The following CD101 variants were observed in gnomAD, a reference collection of about 807,000 sequenced individuals.
The protein encoded by CD101 is immunoglobulin superfamily member 2.
CD101 carries 76 observed loss-of-function variants against 98.2 expected under a neutral mutation model. The observed-to-expected ratio is 0.77, with a 90% CI of 0.64 to 0.94. CD101 has a LOEUF of 0.94. CD101 is among the 40% of genes least tolerant of loss of function. CD101 has a pLI of 0.00. For synonymous variants in CD101, 471 were observed against 472.7 expected (o/e 1.00, Z 0.05); for missense variants, 1,145 against 1,218.8 (o/e 0.94, Z 0.90).
chr1:117,014,456 G>T (rs968909064), intron 4 of CD101, among the ~76,000 whole-genome samples: 2 of 152,142 alleles, frequency 1.3e-5, no homozygotes, highest in African/African-American at 4.8e-5. Flanking sequence ...GCATTTTGCT[G>T]TGATGTGGTG....
intron 5 of CD101, 135 bp downstream of exon 5, chr1:117,017,608 A>G (rs778587060): frequency 2.3e-5 from 19 of 813,298 alleles, no homozygotes; most frequent in South Asian, 2.1e-4. Context: ...GTCTCTGGCT[A>G]CCCTCTCTGT....
At chr1:117,007,453 T>C (rs1652602308) in intron 1 of CD101, among the ~76,000 whole-genome samples, 1 of 152,194 alleles carries the variant, frequency 6.6e-6, no homozygotes, top group East Asian at 1.9e-4. Context: ...GTTCAAGCGA[T>C]TTTCTTGCCT....
Position 117,017,162 on chromosome 1 carries a change from G to T in CD101, c.1301G>T (p.Cys434Phe). ...GAAGGAGAGACACTCGCCTTTCTCT[G>T]TAAGGCTGGTGGAGCTGAAAGTCCC... Reference protein sequence around the residue: ...VWEGETLAFLCKAGGAESPLS... With the variant: ...VWEGETLAFLFKAGGAESPLS... Residue 434 changes from cysteine to phenylalanine, a missense_variant, in exon 5 of 10, where the codon TGT becomes TTT. Cys to Phe is a radical substitution (Grantham distance 205). Transcript: ENST00000682167. 6.2e-7 allele frequency: 1 copy of T among 1,614,242 alleles called. No individual in the cohort carries two copies. Among genetic ancestry groups the T allele is most frequent in the Non-Finnish European group, 8.5e-7 (1 of 1,180,030 alleles).
chr1:117,014,481 A>G (rs918609352), intron 4 of CD101, among the ~76,000 whole-genome samples: 2 of 152,136 alleles, frequency 1.3e-5, no homozygotes. Context: ...GCCGGTCCAA[A>G]TGGTTCTGAA....
chr1:117,026,976 A>G (rs1557777308), intron 8 of CD101, among the ~76,000 whole-genome samples: 2 of 152,122 alleles, frequency 1.3e-5, no homozygotes, highest in South Asian at 4.1e-4. Flanking sequence ...GTGATAAAAA[A>G]TCCCAGGGGC....
rs749311935 is a variant in CD101 at position 117,017,395 on chromosome 1, A to G, written c.1534A>G (p.Arg512Gly). The change falls in exon 5 of 10, where the codon AGA becomes GGA. Residue 512 changes from arginine (R) to glycine (G), a missense_variant. Physicochemically the swap from Arg to Gly is moderately radical, Grantham distance 125 (BLOSUM62 -2). Transcript: ENST00000682167. ...AITDSGTYEC[R>G]VSEKSRNQAR... ...CACAGACAGTGGCACATATGAGTGC[A>G]GAGTATCTGAGAAGTCTCGGAACCA... 1.8e-5 allele frequency: 29 copies of G among 1,614,148 alleles called. 1 individual carries two copies. The South Asian group carries it at 3.1e-4, about 17-fold the overall frequency.
At chr1:117,013,845 G>C in intron 4 of CD101, 53 bp downstream of exon 4, 1 of 1,518,930 alleles carries the variant, frequency 6.6e-7, no homozygotes. Context: ...ATGCCCCCTT[G>C]TCAGTGGAAG....
Position 117,018,007 on chromosome 1 carries a change from T to C in CD101, c.1613-149T>C. On this transcript the variant is annotated intron_variant, in intron 5 of 9. Coordinates refer to ENST00000682167, the MANE Select transcript of CD101 (RefSeq NM_001256106.3). The surrounding 1 kb of genome is among the most constrained non-coding windows in gnomAD (Gnocchi z 4.3). ...GGTCACAGTTCAGGACAGACTGTAC[T>C]GGGAATCAATTTCTACTCTATAAAA... is the stretch of plus-strand genomic sequence containing the variant. 1 of 782,858 alleles carries C rather than the reference T, an allele frequency of 1.3e-6. No homozygotes were observed. Among genetic ancestry groups the C allele is most frequent in the Admixed American group, 3.1e-5 (1 of 31,854 alleles). The allele number at this position is 782,858 out of a possible 1,614,324, so 48.5% of individuals were successfully genotyped here.
At chr1:117,011,118 A>C (rs1345731749) in intron 2 of CD101, among the ~76,000 whole-genome samples, 1 of 152,224 alleles carries the variant, frequency 6.6e-6, no homozygotes, top group Admixed American at 6.5e-5. Flanking sequence ...AGCCATTATT[A>C]CATTATTAGA....
intron 8 of CD101, chr1:117,032,617 C>T (rs1378494309): frequency 6.6e-6 from 1 of 152,242 alleles, no homozygotes; most frequent in African/African-American, 2.4e-5. Context: ...TATGTCATTA[C>T]AATTTTCCAG....
At position 117,027,599 on chromosome 1, in the gene CD101, A is replaced by C. The variant is rs568441590; in HGVS notation, c.2824+1695A>C. Among the ~76,000 whole-genome samples the C allele has an allele frequency of 7.2e-5, 11 of 152,328 alleles. 1 individual carries two copies. The South Asian group carries it at 2.3e-3, about 32-fold the overall frequency. On this transcript the variant is annotated intron_variant, in intron 8 of 9. Coordinates refer to ENST00000682167, the MANE Select transcript of CD101 (RefSeq NM_001256106.3). ...GGTCATTGAGAATGGCAGGAACTGC[A>C]GTCTCTATGGTACAGTGGCAAGAGA...
Position 117,017,271 on chromosome 1 carries a change from G to T in CD101, c.1410G>T (p.Gln470His), listed in dbSNP as rs148555610. The change falls in exon 5 of 10, where the codon CAG becomes CAT. Residue 470 changes from glutamine to histidine, a missense_variant. Coordinates refer to ENST00000682167, the MANE Select transcript of CD101 (RefSeq NM_001256106.3). ...GCATGGGGCAGGATGGCATTGTGCA[G>T]CTGGGTGCCTCCTATGGGGTACCCA... Reference protein sequence around the residue: ...VAGMGQDGIVQLGASYGVPSY... With the variant: ...VAGMGQDGIVHLGASYGVPSY... The T allele has an allele frequency of 1.9e-3, 3,129 of 1,614,250 alleles. 10 individuals carry two copies. Among genetic ancestry groups the T allele is most frequent in the South Asian group, 8.7e-3 (796 of 91,090 alleles).
At chr1:117,016,999 T>C in intron 4 of CD101, 91 bp from the exon 5 acceptor site, 1 of 1,414,720 alleles carries the variant, frequency 7.1e-7, no homozygotes, top group Non-Finnish European at 9.6e-7. Flanking sequence ...CACAAACTAG[T>C]CAAGTCCTAA....
rs1653370727 is a variant in CD101, at chr1:117,018,344, A to G, written c.1801A>G (p.Ile601Val). 3.7e-6 allele frequency: 6 copies of G among 1,614,078 alleles called. No individual in the cohort carries two copies. Among genetic ancestry groups the G allele is most frequent in the Admixed American group, 1.7e-5 (1 of 60,004 alleles). ...TATTCGAATCACCCACAATGGCACTATTGAATGGGGGAATTTCCTATCCCG... is the reference window on the plus strand; with the variant it reads ...TATTCGAATCACCCACAATGGCACTGTTGAATGGGGGAATTTCCTATCCCG... Reference protein sequence around the residue: ...QLIRITHNGTIEWGNFLSRFQ... With the variant: ...QLIRITHNGTVEWGNFLSRFQ... Residue 601 changes from isoleucine to valine, a missense_variant, in exon 6 of 10, where the codon ATT (isoleucine) becomes GTT (valine). Physicochemically the swap from Ile to Val is conservative, Grantham distance 29. Coordinates refer to ENST00000682167, the MANE Select transcript of CD101 (RefSeq NM_001256106.3). The surrounding 1 kb of genome is among the most constrained non-coding windows in gnomAD (Gnocchi z 4.3).
At chr1:117,031,446 G>A (rs1654462117) in intron 8 of CD101, among the ~76,000 whole-genome samples, 1 of 152,224 alleles carries the variant, frequency 6.6e-6, no homozygotes, top group Non-Finnish European at 1.5e-5. Context: ...GGAAGCCAGG[G>A]CCTCCTAAGT....
In CD101 at chr1:117,018,491, C is replaced by T; in HGVS notation, c.1948C>T (p.Leu650=). 6.2e-7 allele frequency: 1 copy of T among 1,613,934 alleles called. No homozygotes were observed. Among genetic ancestry groups the T allele is most frequent in the Non-Finnish European group, 8.5e-7 (1 of 1,179,848 alleles). ...AGTAGAAGTTTATGACAGAAATTCCCTATACAACAACCGCCCCCCGAGGGC... is the reference window on the plus strand; with the variant it reads ...AGTAGAAGTTTATGACAGAAATTCCTTATACAACAACCGCCCCCCGAGGGC... ...CEVEVYDRNS[L]YNNRPPRASA... The change falls in exon 6 of 10, where the codon CTA becomes TTA. Residue 650 remains leucine, a synonymous_variant. Coordinates refer to ENST00000682167, the MANE Select transcript of CD101 (RefSeq NM_001256106.3). The surrounding 1 kb of genome is among the most constrained non-coding windows in gnomAD (Gnocchi z 4.3).
chr1:117,010,193 A>G lies in CD101; in HGVS notation c.387A>G (p.Lys129=), dbSNP rs1652805759. ...YECHTPNTDE[K]YYGSYSAKTN... ...GTCACACACCAAACACTGATGAGAA[A>G]TACTATGGAAGTTACAGTGCAAAGA... The change falls in exon 2 of 10, where the codon AAA becomes AAG. Residue 129 remains lysine (K), a synonymous_variant. Transcript: ENST00000682167. This position sits in a 1 kb window ranked among gnomAD's most constrained non-coding sequence, Gnocchi z 5.2. 7 of 1,614,136 alleles carry G rather than the reference A, an allele frequency of 4.3e-6. No homozygotes were observed. Among genetic ancestry groups the G allele is most frequent in the African/African-American group, 4.0e-5 (3 of 75,056 alleles).
At position 117,013,507 on chromosome 1, in the gene CD101, C is replaced by G. The variant is rs1653008753; in HGVS notation, c.943C>G (p.Leu315Val). 6 of 1,614,160 alleles carry G rather than the reference C, an allele frequency of 3.7e-6. No individual in the cohort carries two copies. The highest frequency in any genetic ancestry group is 3.4e-6 in the Non-Finnish European group (4 of 1,180,032). The change falls in exon 4 of 10, where the codon CTT becomes GTT. Residue 315 changes from leucine to valine, a missense_variant. Physicochemically the swap from Leu to Val is conservative, Grantham distance 32. Transcript: ENST00000682167. ...TGTAAGCAGTGGCCGTGACCCACAG[C>G]TTCAAGGCATTTGGTTCTTCAATGG... is the stretch of plus-strand genomic sequence containing the variant. ...LVVSSGRDPQ[L>V]QGIWFFNGTE...
At chr1:117,035,134 A>G (rs968914669) in intron 9 of CD101, among the ~76,000 whole-genome samples, 1 of 152,148 alleles carries the variant, frequency 6.6e-6, no homozygotes, top group African/African-American at 2.4e-5. Context: ...AGCTGTCCCC[A>G]CTGGGCCTAC....
Sources: allele counts gnomAD v4.1 joint callset (sites outside exome capture counted in the v4.1 genomes callset), GRCh38; gene constraint gnomAD v4.1.1; non-coding constraint Gnocchi (gnomAD v3.1); transcripts MANE v1.5; gene names NCBI Gene and HGNC (gene_info 2026-07-23, HGNC 2026-07-21).